Variants in MAGI2 observed in about 807,000 individuals in gnomAD.
The protein encoded by MAGI2 is membrane-associated guanylate kinase, WW and PDZ domain-containing protein 2.
Under a neutral mutation model 133.3 loss-of-function variants are expected in MAGI2, and 35 were observed. That is an observed-to-expected ratio of 0.26 (90% CI 0.20 to 0.35). The LOEUF (loss-of-function observed/expected upper bound fraction) is 0.35. MAGI2 is among the 10% of genes least tolerant of loss of function. The pLI, the probability that MAGI2 is intolerant of heterozygous loss-of-function variation, is 1.00. For missense variants in MAGI2, 1,636 were observed against 1,863.4 expected, an observed-to-expected ratio of 0.88 and a Z score of 2.25; for synonymous variants, 729 against 710.6, an observed-to-expected ratio of 1.03 and a Z score of -0.41.
At chr7:78,982,599 C>G (rs544231434) in intron 2 of MAGI2, among the ~76,000 whole-genome samples, 1 of 151,914 alleles carries the variant, frequency 6.6e-6, no homozygotes, top group Non-Finnish European at 1.5e-5. Flanking sequence ...AAGAAAGTCT[C>G]TTTGCCCTCC....
chr7:79,429,193 T>A (rs911801843), intron 1 of MAGI2, among the ~76,000 whole-genome samples: 1 of 152,218 alleles, frequency 6.6e-6, no homozygotes, highest in African/African-American at 2.4e-5. Context: ...CTTTTCCATT[T>A]ATTTGAATAA....
At chr7:78,526,291 A>G (rs929208971) in intron 3 of MAGI2, among the ~76,000 whole-genome samples, 1 of 152,342 alleles carries the variant, frequency 6.6e-6, no homozygotes, top group East Asian at 1.9e-4. Context: ...CAAAATTGCT[A>G]CCAAAGCATA....
intron 10 of MAGI2, among the ~76,000 whole-genome samples, chr7:78,203,925 C>G (rs1829497545): frequency 6.6e-6 from 1 of 152,182 alleles, no homozygotes; most frequent in Non-Finnish European, 1.5e-5. Context: ...CTACACATTT[C>G]TTACTTTTTT....
intron 2 of MAGI2, among the ~76,000 whole-genome samples, chr7:78,628,790 C>G (rs754543680): frequency 6.8e-6 from 1 of 147,148 alleles, no homozygotes; most frequent in Non-Finnish European, 1.5e-5. Context: ...ATAATATTGT[C>G]AAGTTAATGT....
chr7:78,264,729 A>T (rs939939053), intron 9 of MAGI2, among the ~76,000 whole-genome samples: 6 of 152,190 alleles, frequency 3.9e-5, no homozygotes, highest in Admixed American at 6.5e-5. Flanking sequence ...TTCTTGGTCT[A>T]CTTTATTTTC....
chr7:79,190,377 A>G (rs1267946410), intron 1 of MAGI2, among the ~76,000 whole-genome samples: 1 of 151,826 alleles, frequency 6.6e-6, no homozygotes, highest in Non-Finnish European at 1.5e-5. Flanking sequence ...ATGACATATG[A>G]TGTTGAGCAT....
chr7:78,068,638 C>T (rs1814112412), intron 21 of MAGI2, among the ~76,000 whole-genome samples: 1 of 152,098 alleles, frequency 6.6e-6, no homozygotes, highest in Non-Finnish European at 1.5e-5. Flanking sequence ...ATGGACTCAC[C>T]TGTTTGTTCC....
intron 2 of MAGI2, among the ~76,000 whole-genome samples, chr7:78,807,230 A>G (rs940812807): frequency 6.6e-6 from 1 of 152,096 alleles, no homozygotes; most frequent in Admixed American, 6.6e-5. Context: ...GTTTATGCAG[A>G]TTATAGCTAT....
chr7:78,213,283 G>A (rs536014184), intron 10 of MAGI2, among the ~76,000 whole-genome samples: 1 of 152,286 alleles, frequency 6.6e-6, no homozygotes, highest in East Asian at 1.9e-4. Context: ...GATTTATACT[G>A]AATCAGATTT....
chr7:78,500,646 A>G (rs1266348296), intron 5 of MAGI2, among the ~76,000 whole-genome samples: 2 of 152,230 alleles, frequency 1.3e-5, no homozygotes, highest in African/African-American at 2.4e-5. Flanking sequence ...GAGTATTACC[A>G]AGAAGTTCAG....
chr7:78,220,830 A>T (rs1002851857), intron 10 of MAGI2, among the ~76,000 whole-genome samples: 7 of 152,182 alleles, frequency 4.6e-5, no homozygotes, highest in African/African-American at 1.4e-4. Flanking sequence ...CCTGTTCAGT[A>T]CCTTATTGTC....
intron 2 of MAGI2, among the ~76,000 whole-genome samples, chr7:78,969,115 G>A (rs995625077): frequency 6.6e-6 from 1 of 152,020 alleles, no homozygotes; most frequent in Non-Finnish European, 1.5e-5. Context: ...TTGTTGCCAC[G>A]TGTGTCGGGG....
chr7:78,990,291 A>T (rs945711430), intron 2 of MAGI2, among the ~76,000 whole-genome samples: 1 of 152,094 alleles, frequency 6.6e-6, no homozygotes, highest in Non-Finnish European at 1.5e-5. Context: ...TTACATGACC[A>T]TTCTTGGTCT....
At chr7:79,405,607 T>C (rs1197684118) in intron 1 of MAGI2, among the ~76,000 whole-genome samples, 1 of 152,146 alleles carries the variant, frequency 6.6e-6, no homozygotes, top group African/African-American at 2.4e-5. Flanking sequence ...AGTATGTTTC[T>C]TGTTATATTT....
intron 1 of MAGI2, among the ~76,000 whole-genome samples, chr7:79,020,527 G>C (rs1202760798): frequency 2.0e-5 from 3 of 152,114 alleles, no homozygotes; most frequent in African/African-American, 7.2e-5. Flanking sequence ...AGCACTTTGT[G>C]AGGCGGAGGC....
At chr7:78,986,768 C>A (rs776061454) in intron 2 of MAGI2, among the ~76,000 whole-genome samples, 20 of 151,930 alleles carry the variant, frequency 1.3e-4, no homozygotes, top group Non-Finnish European at 2.5e-4. Flanking sequence ...ATATATCTAC[C>A]CTTTGTGTCT....
At chr7:79,178,395 A>G (rs879508316) in intron 1 of MAGI2, among the ~76,000 whole-genome samples, 2 of 152,012 alleles carry the variant, frequency 1.3e-5, no homozygotes. Context: ...GAAAGAGTGG[A>G]AAATAGGTTT....
chr7:78,830,593 T>C (rs1309681023), intron 2 of MAGI2, among the ~76,000 whole-genome samples: 2 of 152,186 alleles, frequency 1.3e-5, no homozygotes, highest in African/African-American at 2.4e-5. Context: ...TGTATTTTAG[T>C]TTTCCTGTGA....
chr7:79,321,512 AC>A (rs1476140746), intron 1 of MAGI2, among the ~76,000 whole-genome samples: 4 of 152,208 alleles, frequency 2.6e-5, no homozygotes, highest in Non-Finnish European at 5.9e-5. Flanking sequence ...GTGTCTACTG[AC>A]AAAAGATAAA....
Sources: gnomAD v4.1 joint callset for allele counts (sites outside exome capture counted in the v4.1 genomes callset) on GRCh38, gnomAD v4.1.1 for gene constraint, MANE v1.5 for transcripts, NCBI Gene and HGNC (gene_info 2026-07-23, HGNC 2026-07-21) for gene names.